Variants in ARHGAP9 observed in about 807,000 individuals in gnomAD.
ARHGAP9 encodes Rho GTPase activating protein 9.
A neutral mutation model predicts 87.3 loss-of-function variants in ARHGAP9; 76 were observed. The ratio of observed to expected loss-of-function variants is 0.87; its 90% CI spans 0.72 to 1.05. The LOEUF is 1.05. Among genes scored for constraint, ARHGAP9 ranks in the 50% least tolerant of loss-of-function variants. ARHGAP9 has a pLI of 0.00. For synonymous variants in ARHGAP9, 382 were observed against 394.9 expected, an observed-to-expected ratio of 0.97 and a Z score of 0.39; for missense variants, 941 against 960.5, an observed-to-expected ratio of 0.98 and a Z score of 0.27.
chr12:57,488,521 T>C, intron 1 of ARHGAP9: 1 of 1,503,160 alleles, frequency 6.7e-7, no homozygotes, highest in South Asian at 1.2e-5. Flanking sequence ...GCTCTTTAGT[T>C]ACTAGCATGA....
chr12:57,477,220 ACAT>A lies in ARHGAP9; in HGVS notation c.803_805del (p.Asp268del), dbSNP rs1475874978. 5.0e-6 allele frequency: 8 copies of A among 1,603,628 alleles called. No homozygotes were observed. The highest frequency in any genetic ancestry group is 6.8e-6 in the Non-Finnish European group (8 of 1,174,676). On this transcript the variant is annotated inframe_deletion, in exon 5 of 18. Transcript: ENST00000393791. ...GAAGCCCTTTGCCTGAGGTTGCAGGACATCATTGTTCCTCTTCAGGGTCTGTGT... is the reference window on the plus strand; with the variant it reads ...GAAGCCCTTTGCCTGAGGTTGCAGGACATTGTTCCTCTTCAGGGTCTGTGT...
At position 57,476,053 on chromosome 12, in the gene ARHGAP9, G is replaced by C; in HGVS notation, c.1212+18C>G. ...TCGGGTCGGGTGGGGCCTTGGGGAC[G>C]CGCGGGAGGGCGCTCACGTGCAGGA... On this transcript the variant is annotated intron_variant, in intron 9 of 17. Transcript: ENST00000393791. 2 of 1,515,698 alleles carry C rather than the reference G, an allele frequency of 1.3e-6. No homozygotes were observed. Among genetic ancestry groups the C allele is most frequent in the Non-Finnish European group, 1.8e-6 (2 of 1,132,546 alleles). The allele number at this position is 1,515,698 out of a possible 1,614,324, so 93.9% of individuals were successfully genotyped here. A position where few individuals can be genotyped will look rare whatever the true frequency, so the allele number is the denominator to read the frequency against.
At chr12:57,475,783 C>T in intron 10 of ARHGAP9, 50 bp downstream of exon 10, 3 of 1,600,476 alleles carry the variant, frequency 1.9e-6, no homozygotes, top group Non-Finnish European at 2.6e-6. Context: ...TACCCCACTC[C>T]CTTGGTCCCG....
chr12:57,478,999 AG>A, intron 2 of ARHGAP9, 91 bp downstream of exon 2: 1 of 1,460,290 alleles, frequency 6.8e-7, no homozygotes, highest in Non-Finnish European at 9.4e-7. Flanking sequence ...AGCTTGAGGG[AG>A]GGGGACCTCC....
At chr12:57,479,946 C>T, upstream of ARHGAP9, 1 of 1,414,448 alleles carries the variant, frequency 7.1e-7, no homozygotes, top group Admixed American at 3.3e-5. Flanking sequence ...CAGACCATAG[C>T]TGCGTGCTTC....
In ARHGAP9 at chr12:57,476,033, TCGGGTGGGGCCTTGGGGACGCG is replaced by T. The variant is rs1873517503; in HGVS notation, c.1212+16_1212+37del. 6.6e-7 allele frequency: 1 copy of T among 1,506,656 alleles called. No individual in the cohort carries two copies. Among genetic ancestry groups the T allele is most frequent in the Non-Finnish European group, 8.9e-7 (1 of 1,127,466 alleles). 93.3% of individuals were successfully genotyped at this position (1,506,656 alleles called of 1,614,324 possible). ...GCGGGAGATTGGGGGCGCCCTCGGGTCGGGTGGGGCCTTGGGGACGCGCGGGAGGGCGCTCACGTGCAGGACG... is the reference window on the plus strand; with the variant it reads ...GCGGGAGATTGGGGGCGCCCTCGGGTCGGGAGGGCGCTCACGTGCAGGACG... On this transcript the variant is annotated intron_variant, in intron 9 of 17. Coordinates refer to ENST00000393791, the MANE Select transcript of ARHGAP9 (RefSeq NM_032496.4).
intron 1 of ARHGAP9, chr12:57,488,200 G>A (rs762798881): frequency 1.9e-6 from 3 of 1,608,898 alleles, no homozygotes; most frequent in Admixed American, 3.3e-5. Flanking sequence ...GGCCCGGAAG[G>A]TACTCGTGCT....
chr12:57,486,292 C>G (rs1243033730), intron 1 of ARHGAP9, among the ~76,000 whole-genome samples: 1 of 150,098 alleles, frequency 6.7e-6, no homozygotes, highest in Non-Finnish European at 1.5e-5. Context: ...TTTTTTGAGA[C>G]GAAGTCTTGC....
upstream of ARHGAP9, chr12:57,484,054 A>AT (rs1352101051): frequency 3.7e-6 from 1 of 271,856 alleles, no homozygotes; most frequent in Non-Finnish European, 7.4e-6. Flanking sequence ...AAAAAAAAAA[A>AT]AAAAAAAAAA....
At chr12:57,487,379 C>T (rs1875506287) in intron 1 of ARHGAP9, 1 of 152,166 alleles carries the variant, frequency 6.6e-6, no homozygotes, top group Admixed American at 6.6e-5. Flanking sequence ...AAACTCTGAC[C>T]GTTAAGAGCT....
chr12:57,481,395 C>T (rs1310930188), upstream of ARHGAP9, among the ~76,000 whole-genome samples: 3 of 152,192 alleles, frequency 2.0e-5, no homozygotes, highest in Admixed American at 1.3e-4. Flanking sequence ...GGATTAGAGG[C>T]GCCTGCCACT....
In ARHGAP9 at chr12:57,478,878, C is replaced by T; in HGVS notation, c.317-121G>A. The T allele has an allele frequency of 2.6e-6, 3 of 1,142,708 alleles. No homozygotes were observed. The East Asian group carries it at 7.5e-5, about 29-fold the overall frequency. The allele number at this position is 1,142,708 out of a possible 1,614,324, so 70.8% of individuals were successfully genotyped here. A position where few individuals can be genotyped will look rare whatever the true frequency, so the allele number is the denominator to read the frequency against. On this transcript the variant is annotated intron_variant, in intron 2 of 17. Transcript: ENST00000393791. ...GGCAGAGGGAGGATGTGGAAAATGG[C>T]ATGAGACCTAGAAGCCTTAGGACTA...
rs1358280980 is a variant in ARHGAP9, at chr12:57,475,516, G to T, written c.1411C>A (p.Pro471Thr). ...CGGCGGCTGCTGAGGCGCAGCAGCGGCTTGGACACCAGCTCCGACTCCTCT... is the reference window on the plus strand; with the variant it reads ...CGGCGGCTGCTGAGGCGCAGCAGCGTCTTGGACACCAGCTCCGACTCCTCT... The part of the protein sequence containing the change: ...EEEESELVSK[P>T]LLRLSSRRSS... Residue 471 changes from proline (P) to threonine (T), a missense_variant, in exon 11 of 18, where the codon CCG becomes ACG. Pro to Thr is a conservative substitution (Grantham distance 38, BLOSUM62 -1). Transcript: ENST00000393791. 5 of 1,605,204 alleles carry T rather than the reference G, an allele frequency of 3.1e-6. No individual in the cohort carries two copies. Among genetic ancestry groups the T allele is most frequent in the Middle Eastern group, 1.7e-4 (1 of 6,026 alleles).
In ARHGAP9 at chr12:57,479,442, A is replaced by C. The variant is rs773890079; in HGVS notation, c.-18-18T>G. On this transcript the variant is annotated intron_variant, in intron 1 of 17. Transcript: ENST00000393791. ...ACTGTCACCTGTGAGAAAAAGGGAC[A>C]CTGGAGACCCAGAAGGGAATAGGCC... 6 of 1,598,696 alleles carry C rather than the reference A, an allele frequency of 3.8e-6. No individual in the cohort carries two copies. Among genetic ancestry groups the C allele is most frequent in the Non-Finnish European group, 1.7e-6 (2 of 1,173,268 alleles).
chr12:57,479,969 A>G, upstream of ARHGAP9: 2 of 1,375,794 alleles, frequency 1.5e-6, no homozygotes, highest in Non-Finnish European at 1.9e-6. Flanking sequence ...GTGCAGACTC[A>G]GAGAGACATG....
upstream of ARHGAP9, chr12:57,480,902 G>A (rs1874942471): frequency 6.8e-7 from 1 of 1,462,172 alleles, no homozygotes; most frequent in African/African-American, 1.4e-5. Flanking sequence ...CAGAGAGCCA[G>A]CTCTCTTCCC....
chr12:57,473,114 T>C (rs1257831775), intron 17 of ARHGAP9, among the ~76,000 whole-genome samples: 1 of 152,222 alleles, frequency 6.6e-6, no homozygotes, highest in African/African-American at 2.4e-5. Context: ...CACTTGATGC[T>C]GACCTTTAGG....
In ARHGAP9 at chr12:57,472,593, T is replaced by C. The variant is rs1217107481; in HGVS notation, c.2120A>G (p.Asp707Gly). The change falls in exon 18 of 18, where the codon GAC becomes GGC. Residue 707 changes from aspartate to glycine, a missense_variant. By Grantham distance (94) the Asp-to-Gly change is moderately conservative (BLOSUM62 -1). Coordinates refer to ENST00000393791, the MANE Select transcript of ARHGAP9 (RefSeq NM_032496.4). The part of the protein sequence containing the change: ...TLFRPEQETS[D>G]PAAHALYPGQ... Reference sequence around the variant, plus strand: ...TGGGTAGAGAGCATGGGCTGCTGGGTCAGATGTCTCCTGCTCTGGCCGAAA... The same window carrying C: ...TGGGTAGAGAGCATGGGCTGCTGGGCCAGATGTCTCCTGCTCTGGCCGAAA... 7 of 1,614,188 alleles carry C rather than the reference T, an allele frequency of 4.3e-6. No individual in the cohort carries two copies. In the South Asian group the frequency reaches 7.7e-5, roughly 18 times the overall value.
intron 3 of ARHGAP9, 194 bp downstream of exon 3, chr12:57,478,346 C>T: frequency 1.1e-5 from 7 of 624,534 alleles, no homozygotes; most frequent in Non-Finnish European, 1.6e-5. Flanking sequence ...ATGCCGTGAC[C>T]TCACAGATGT....
Sources: allele counts gnomAD v4.1 joint callset (sites outside exome capture counted in the v4.1 genomes callset), GRCh38; gene constraint gnomAD v4.1.1; transcripts MANE v1.5; gene names NCBI Gene and HGNC (gene_info 2026-07-23, HGNC 2026-07-21).